RAPGEF2: variants seen among roughly 807,000 people sequenced by gnomAD.
The protein encoded by RAPGEF2 is PDZ domain containing guanine nucleotide exchange factor (GEF) 1.
Under a neutral mutation model 186.7 loss-of-function variants are expected in RAPGEF2, and 54 were observed. The ratio of observed to expected loss-of-function variants is 0.29; its 90% CI spans 0.23 to 0.36. The LOEUF (loss-of-function observed/expected upper bound fraction) is 0.36. Ranked by LOEUF, RAPGEF2 falls within the 10% of genes least tolerant of loss-of-function variation. The pLI is 1.00. For synonymous variants in RAPGEF2, 712 were observed against 705.9 expected, an observed-to-expected ratio of 1.01 and a Z score of -0.14; for missense variants, 1,532 against 2,045.0, an observed-to-expected ratio of 0.75 and a Z score of 4.84.
intron 7 of RAPGEF2, chr4:159,267,979 A>AC: frequency 7.1e-7 from 1 of 1,405,172 alleles, no homozygotes; most frequent in Non-Finnish European, 9.2e-7. Flanking sequence ...TTTCTGGTCT[A>AC]CAAGTGTGAA....
At position 159,242,546 on chromosome 4, in the gene RAPGEF2, ACTC is replaced by A. The variant is rs1186296024; in HGVS notation, c.525+1182_525+1184del. On this transcript the variant is annotated intron_variant, in intron 6 of 29. Transcript: ENST00000691494. Reference sequence around the variant, plus strand: ...GGTTTTGACCACTAGCAACCTGACTACTCCTCTTGCTACCCATGAAGTATTTTA... The same window carrying A: ...GGTTTTGACCACTAGCAACCTGACTACTCTTGCTACCCATGAAGTATTTTA... Among the ~76,000 whole-genome samples, 12 of 151,628 alleles carry A rather than the reference ACTC, an allele frequency of 7.9e-5. 1 individual carries two copies. Among genetic ancestry groups the A allele is most frequent in the Admixed American group, 4.6e-4 (7 of 15,228 alleles).
At chr4:159,181,613 C>T (rs1464460926) in intron 1 of RAPGEF2, among the ~76,000 whole-genome samples, 1 of 133,548 alleles carries the variant, frequency 7.5e-6, no homozygotes, top group Non-Finnish European at 1.5e-5. Flanking sequence ...GGGTCTCGCT[C>T]TGTTGCCAGG....
intron 1 of RAPGEF2, among the ~76,000 whole-genome samples, chr4:159,127,801 A>G (rs1740524706): frequency 6.6e-6 from 1 of 152,206 alleles, no homozygotes; most frequent in Non-Finnish European, 1.5e-5. Flanking sequence ...TTTAATTCAT[A>G]GGCAGTTATT....
chr4:159,128,529 A>G (rs1355319292), intron 1 of RAPGEF2, among the ~76,000 whole-genome samples: 1 of 152,080 alleles, frequency 6.6e-6, no homozygotes, highest in Non-Finnish European at 1.5e-5. Context: ...TCTTCTTAAT[A>G]TTCTTAACAT....
At position 159,197,771 on chromosome 4, in the gene RAPGEF2, C is replaced by T. The variant is rs541916896; in HGVS notation, c.197+4515C>T. ...CTGCTCTGTGAGGCTGCTCAACCAT[C>T]GCTGTCCCCTTTCCTTTCTCCCACA... On this transcript the variant is annotated intron_variant, in intron 3 of 29. Coordinates refer to ENST00000691494, the MANE Select transcript of RAPGEF2 (RefSeq NM_001394067.2). Among the ~76,000 whole-genome samples the T allele has an allele frequency of 1.9e-3, 283 of 152,322 alleles. 1 individual carries two copies. The highest frequency in any genetic ancestry group is 6.3e-3 in the African/African-American group (262 of 41,578).
intron 3 of RAPGEF2, among the ~76,000 whole-genome samples, chr4:159,194,197 G>A (rs942901748): frequency 2.0e-5 from 3 of 152,128 alleles, no homozygotes; most frequent in Non-Finnish European, 4.4e-5. Flanking sequence ...GAGAGGTGAC[G>A]GGGCCTGGCC....
chr4:159,356,725 AC>A (rs1468345198), intron 29 of RAPGEF2, among the ~76,000 whole-genome samples: 2 of 151,756 alleles, frequency 1.3e-5, no homozygotes, highest in Non-Finnish European at 2.9e-5. Flanking sequence ...AAGTAGTGAA[AC>A]CCTGTCTCTA....
Position 159,343,105 on chromosome 4 carries a change from T to C in RAPGEF2, c.3045T>C (p.Arg1015=), listed in dbSNP as rs776793525. ...CTTCCAGAAACATGGCAAAATATCG[T>C]AATGTTCTCAATAGTCAAAATCTAC... The part of the protein sequence containing the change: ...FDPSRNMAKY[R]NVLNSQNLQP... Residue 1015 remains arginine, a synonymous_variant, in exon 21 of 30, where the codon CGT becomes CGC. Coordinates refer to ENST00000691494, the MANE Select transcript of RAPGEF2 (RefSeq NM_001394067.2). The C allele has an allele frequency of 1.9e-6, 3 of 1,614,128 alleles. No individual in the cohort carries two copies. Among genetic ancestry groups the C allele is most frequent in the Admixed American group, 1.7e-5 (1 of 60,014 alleles).
intron 1 of RAPGEF2, among the ~76,000 whole-genome samples, chr4:159,134,627 G>C (rs186592208): frequency 2.9e-4 from 44 of 152,110 alleles, no homozygotes; most frequent in African/African-American, 1.0e-3. Flanking sequence ...CTGCATCCTC[G>C]TCAGCACTTA....
intron 1 of RAPGEF2, among the ~76,000 whole-genome samples, chr4:159,184,479 T>C (rs1268117207): frequency 6.6e-6 from 1 of 152,220 alleles, no homozygotes; most frequent in Non-Finnish European, 1.5e-5. Context: ...GATTTGCATT[T>C]CTCTGATGGC....
intron 3 of RAPGEF2, among the ~76,000 whole-genome samples, chr4:159,204,066 C>T (rs1749719242): frequency 6.6e-6 from 1 of 152,210 alleles, no homozygotes; most frequent in South Asian, 2.1e-4. Context: ...AGAAGGATGT[C>T]ATCTGATCCG....
chr4:159,178,462 T>C lies in RAPGEF2; in HGVS notation c.70-8180T>C, dbSNP rs190607611. 2.2e-3 allele frequency among the ~76,000 whole-genome samples: 329 copies of C among 152,264 alleles called. 2 individuals carry two copies. The highest frequency in any genetic ancestry group is 7.3e-3 in the African/African-American group (305 of 41,548). Reference sequence around the variant, plus strand: ...TAAGTTTGCTATGAAGCCCGTTATATATTCTGAATGAGTCTCTAAGGAGAA... The same window carrying C: ...TAAGTTTGCTATGAAGCCCGTTATACATTCTGAATGAGTCTCTAAGGAGAA... On this transcript the variant is annotated intron_variant, in intron 1 of 29. Coordinates refer to ENST00000691494, the MANE Select transcript of RAPGEF2 (RefSeq NM_001394067.2).
intron 11 of RAPGEF2, among the ~76,000 whole-genome samples, chr4:159,324,485 A>C (rs1464164175): frequency 1.3e-5 from 2 of 152,276 alleles, no homozygotes; most frequent in Non-Finnish European, 2.9e-5. Flanking sequence ...AACAGTAATT[A>C]ATAATCTCAT....
intron 7 of RAPGEF2, among the ~76,000 whole-genome samples, chr4:159,300,318 A>G (rs1330180133): frequency 6.6e-6 from 1 of 151,906 alleles, no homozygotes; most frequent in East Asian, 1.9e-4. Flanking sequence ...TGGTTAAACT[A>G]TGATTCAACC....
Position 159,338,422 on chromosome 4 carries a change from T to C in RAPGEF2, c.2247T>C (p.Asp749=). 6.2e-7 allele frequency: 1 copy of C among 1,614,162 alleles called. No homozygotes were observed. Among genetic ancestry groups the C allele is most frequent in the Non-Finnish European group, 8.5e-7 (1 of 1,179,976 alleles). Reference sequence around the variant, plus strand: ...GAACCTTATCATCCAGTAATCCTGATTTATTGCAGTCACATCATCGCATTT... The same window carrying C: ...GAACCTTATCATCCAGTAATCCTGACTTATTGCAGTCACATCATCGCATTT... ...VSGTLSSSNP[D]LLQSHHRILD... is the part of the protein sequence containing the mutation. The change falls in exon 18 of 30, where the codon GAT becomes GAC. Residue 749 remains aspartate, a synonymous_variant. Transcript: ENST00000691494.
rs1440623009 is a variant in RAPGEF2, at chr4:159,103,119, A to G, written c.-1044A>G. 1 of 152,420 alleles carries G rather than the reference A, an allele frequency of 6.6e-6. No homozygotes were observed. The highest frequency in any genetic ancestry group is 1.5e-5 in the Non-Finnish European group (1 of 68,526). 9.4% of individuals were successfully genotyped at this position (152,420 alleles called of 1,614,324 possible). On this transcript the variant is annotated 5_prime_UTR_variant, in exon 1 of 30. Transcript: ENST00000691494. ...CGGCCGGAGAAGGCGCAGGAGGAGG[A>G]AGAGGCGGAGGAAGAGGAGGGGAAT... is the stretch of plus-strand genomic sequence containing the variant.
chr4:159,104,100 G>C lies in RAPGEF2; in HGVS notation c.-63G>C, dbSNP rs531339334. The C allele has an allele frequency of 8.1e-5, 95 of 1,175,676 alleles. No homozygotes were observed. Among genetic ancestry groups the C allele is most frequent in the Non-Finnish European group, 9.4e-5 (83 of 878,348 alleles). The allele number at this position is 1,175,676 out of a possible 1,614,324, so 72.8% of individuals were successfully genotyped here. A position where few individuals can be genotyped will look rare whatever the true frequency, so the allele number is the denominator to read the frequency against. Reference sequence around the variant, plus strand: ...AGCGCGCAGGGCGGAGGCAGCAGCGGCGCTGGGCCGGGAGGAGGCCGGCCA... The same window carrying C: ...AGCGCGCAGGGCGGAGGCAGCAGCGCCGCTGGGCCGGGAGGAGGCCGGCCA... On this transcript the variant is annotated 5_prime_UTR_variant, in exon 1 of 30. Coordinates refer to ENST00000691494, the MANE Select transcript of RAPGEF2 (RefSeq NM_001394067.2).
intron 1 of RAPGEF2, among the ~76,000 whole-genome samples, chr4:159,120,460 T>C (rs1039342772): frequency 6.6e-6 from 1 of 152,264 alleles, no homozygotes; most frequent in African/African-American, 2.4e-5. Flanking sequence ...TTGGTTGTTA[T>C]ACAAGATTAG....
Position 159,241,356 on chromosome 4 carries a change from A to G in RAPGEF2, c.513A>G (p.Arg171=). 1 of 1,485,680 alleles carries G rather than the reference A, an allele frequency of 6.7e-7. No homozygotes were observed. Among genetic ancestry groups the G allele is most frequent in the South Asian group, 1.4e-5 (1 of 74,004 alleles). The allele number at this position is 1,485,680 out of a possible 1,614,324, so 92.0% of individuals were successfully genotyped here. A position where few individuals can be genotyped will look rare whatever the true frequency, so the allele number is the denominator to read the frequency against. ...PYPMGKPPLP[R]GYHTECTKSQ... is the part of the protein sequence containing the mutation. ...CCATGGGCAAACCTCCTTTGCCTAG[A>G]GGCTATCACACGGTAAGTTATACAA... The change falls in exon 6 of 30, where the codon AGA becomes AGG. Residue 171 remains arginine (R), a synonymous_variant. Coordinates refer to ENST00000691494, the MANE Select transcript of RAPGEF2 (RefSeq NM_001394067.2).
Sources: allele counts gnomAD v4.1 joint callset (sites outside exome capture counted in the v4.1 genomes callset), GRCh38; gene constraint gnomAD v4.1.1; transcripts MANE v1.5; gene names NCBI Gene and HGNC (gene_info 2026-07-23, HGNC 2026-07-21).